The following XIST variants were observed in gnomAD, a reference collection of about 807,000 sequenced individuals.
XIST encodes X inactive specific transcript.
At chrX:73,825,841 C>T (rs1922238097) in exon 6 of XIST, 1 of 552,623 alleles carries the variant, frequency 1.8e-6, no homozygotes, top group African/African-American at 2.2e-5. Context: ...CTTTCATACA[C>T]ATTATCAGTC....
At chrX:73,822,808 T>A (rs1455445219) in exon 6 of XIST, 4 of 556,612 alleles carry the variant, frequency 7.2e-6, no homozygotes, top group Non-Finnish European at 1.3e-5. Context: ...CCTCTCTTAT[T>A]CCCACTCTAC....
exon 6 of XIST, chrX:73,821,373 G>A (rs900790640): frequency 1.8e-6 from 1 of 553,622 alleles, no homozygotes; most frequent in African/African-American, 2.2e-5. Context: ...TTCTTTTGAA[G>A]CATATTTTGG....
chrX:73,825,194 G>A (rs1271716697), exon 6 of XIST: 1 of 555,005 alleles, frequency 1.8e-6, no homozygotes, highest in Admixed American at 2.2e-5. Flanking sequence ...AAGTTTAAAA[G>A]CAGTTTCCAT....
exon 6 of XIST, chrX:73,821,853 C>A (rs1236188182): frequency 7.3e-6 from 4 of 546,225 alleles, no homozygotes; most frequent in African/African-American, 2.2e-5. Flanking sequence ...TTTTCATCCA[C>A]TGATATTATT....
At chrX:73,838,614 A>G (rs750069404) in intron 1 of XIST, among the ~76,000 whole-genome samples, 1 of 111,518 alleles carries the variant, frequency 9.0e-6, no homozygotes, top group African/African-American at 3.2e-5. Flanking sequence ...TCAGTACTCA[A>G]TTTGGAAAGG....
chrX:73,849,807 T>G (rs1452150484), exon 1 of XIST: 2 of 333,109 alleles, frequency 6.0e-6, no homozygotes, highest in Non-Finnish European at 1.1e-5. Flanking sequence ...CGAGAGAAGC[T>G]GGGCGGGACT....
At chrX:73,832,182 A>G (rs1343426751) in intron 3 of XIST, among the ~76,000 whole-genome samples, 1 of 111,627 alleles carries the variant, frequency 9.0e-6, no homozygotes, top group Non-Finnish European at 1.9e-5. Context: ...TAAAAATACA[A>G]AATTAGCCTG....
chrX:73,851,527 T>C lies in XIST; in HGVS notation n.1197A>G, dbSNP rs1486491374. The C allele has an allele frequency of 1.1e-5, 6 of 557,619 alleles. No individual in the cohort carries two copies. The East Asian group carries it at 1.6e-4, about 15-fold the overall frequency. 46.0% of individuals were successfully genotyped at this position (557,619 alleles called of 1,213,427 possible). ...CAACCTAACAAAGCACAGCCCGCCA[T>C]GCTGAGCAATGCCGCAATGTCAAAA... is the stretch of plus-strand genomic sequence containing the variant. On this transcript the variant is annotated non_coding_transcript_exon_variant, in exon 1 of 6. Transcript: ENST00000429829.
At chrX:73,825,651 A>G in exon 6 of XIST, 2 of 513,180 alleles carry the variant, frequency 3.9e-6, no homozygotes, top group Non-Finnish European at 7.0e-6. Context: ...CGTTGTTTAA[A>G]AAACAAATAT....
rs751702146 is a variant in XIST at position 73,842,588 on chromosome X, C to CT, written n.10135dup. On this transcript the variant is annotated non_coding_transcript_exon_variant, in exon 1 of 6. Coordinates refer to ENST00000429829, the Ensembl canonical transcript of XIST. ...CAACACACCAAAGTGGTAGGGAGAT[C>CT]TTGGACTGATGGGCTGAAAAATGGG... is the stretch of plus-strand genomic sequence containing the variant. 879 of 556,812 alleles carry CT rather than the reference C, an allele frequency of 1.6e-3. 2 individuals carry two copies. The highest frequency in any genetic ancestry group is 2.3e-3 in the Non-Finnish European group (723 of 309,042). 45.9% of individuals were successfully genotyped at this position (556,812 alleles called of 1,213,427 possible). A position where few individuals can be genotyped will look rare whatever the true frequency, so the allele number is the denominator to read the frequency against.
rs1350660884 is a variant in XIST, at chrX:73,848,390, T to C, written n.4334A>G. ...CTTGATATAAAAGACTCAGTTCTAATCAATTAGGATTGTGCACATAAACTG... is the reference window on the plus strand; with the variant it reads ...CTTGATATAAAAGACTCAGTTCTAACCAATTAGGATTGTGCACATAAACTG... On this transcript the variant is annotated non_coding_transcript_exon_variant, in exon 1 of 6. Transcript: ENST00000429829. 3 of 555,804 alleles carry C rather than the reference T, an allele frequency of 5.4e-6. No homozygotes were observed. The South Asian group carries it at 6.8e-5, about 13-fold the overall frequency. The allele number at this position is 555,804 out of a possible 1,213,427, so 45.8% of individuals were successfully genotyped here. A position where few individuals can be genotyped will look rare whatever the true frequency, so the allele number is the denominator to read the frequency against.
exon 5 of XIST, chrX:73,829,208 T>C (rs1322669673): frequency 1.8e-6 from 1 of 557,578 alleles, no homozygotes; most frequent in Non-Finnish European, 3.2e-6. Flanking sequence ...GTATAATGAT[T>C]TGGCAGATAG....
chrX:73,842,698 G>A (rs955966891), exon 1 of XIST: 3 of 555,993 alleles, frequency 5.4e-6, no homozygotes, highest in Middle Eastern at 3.1e-4. Flanking sequence ...GAAGTAGAGG[G>A]GTTCATGTAT....
exon 1 of XIST, chrX:73,852,678 G>C: frequency 1.7e-5 from 8 of 466,367 alleles, no homozygotes; most frequent in Non-Finnish European, 3.0e-5. Flanking sequence ...GAGATCTTCA[G>C]TCAGGAAGCT....
exon 1 of XIST, chrX:73,843,281 A>C: frequency 1.8e-6 from 1 of 558,603 alleles, no homozygotes; most frequent in South Asian, 2.2e-5. Context: ...TTAACAGTAC[A>C]AGGGGCCTTA....
chrX:73,847,424 T>G (rs1922803078), exon 1 of XIST: 1 of 509,550 alleles, frequency 2.0e-6, no homozygotes, highest in South Asian at 2.5e-5. Flanking sequence ...TTTTTAATGT[T>G]GGCCAGGCTG....
At chrX:73,838,847 T>C (rs756484233) in intron 1 of XIST, among the ~76,000 whole-genome samples, 21 of 111,553 alleles carry the variant, frequency 1.9e-4, no homozygotes, top group African/African-American at 6.2e-4. Context: ...GCCCAAAATA[T>C]GGTAGTGAGA....
intron 5 of XIST, chrX:73,828,984 C>A: frequency 2.1e-6 from 1 of 480,248 alleles, no homozygotes; most frequent in Non-Finnish European, 3.7e-6. Context: ...GACCAACACA[C>A]CCCATCCAAC....
exon 6 of XIST, chrX:73,820,949 C>T (rs747641989): frequency 1.8e-6 from 1 of 559,032 alleles, no homozygotes. Context: ...TTCATCACAA[C>T]TTCATTTATG....
Sources: allele counts gnomAD v4.1 joint callset (sites outside exome capture counted in the v4.1 genomes callset), GRCh38; gene constraint gnomAD v4.1.1; transcripts MANE v1.5; gene names NCBI Gene and HGNC (gene_info 2026-07-23, HGNC 2026-07-21).